Variants in CORO7 observed in about 807,000 individuals in gnomAD.
CORO7 encodes coronin-7.
A neutral mutation model predicts 126.6 loss-of-function variants in CORO7; 107 were observed. That is an observed-to-expected ratio of 0.85 (90% CI 0.72 to 0.99). CORO7 has a LOEUF of 0.99. Among genes scored for constraint, CORO7 ranks in the 50% least tolerant of loss-of-function variants. CORO7 has a pLI of 0.00. For synonymous variants in CORO7, 603 were observed against 536.8 expected, an observed-to-expected ratio of 1.12 and a Z score of -1.70; for missense variants, 1,314 against 1,255.8, an observed-to-expected ratio of 1.05 and a Z score of -0.70.
Position 4,355,376 on chromosome 16 carries a change from GGA to G in CORO7, c.2686-6_2686-5del. On this transcript the variant is annotated splice_region_variant and splice_polypyrimidine_tract_variant and intron_variant, in intron 26 of 27. Transcript: ENST00000251166. ...TTGCCACCATGGCATTCAGCAGCTG[GGA>G]GAGAGGGCAGAAGAAGGGTAGGTAA... is the stretch of plus-strand genomic sequence containing the variant. 1 of 1,608,216 alleles carries G rather than the reference GGA, an allele frequency of 6.2e-7. No individual in the cohort carries two copies. Among genetic ancestry groups the G allele is most frequent in the Non-Finnish European group, 8.5e-7 (1 of 1,179,212 alleles).
At chr16:4,407,193 C>T (rs2056031379) in intron 5 of CORO7, among the ~76,000 whole-genome samples, 1 of 151,384 alleles carries the variant, frequency 6.6e-6, no homozygotes. Context: ...GGTGATCCAC[C>T]TACCTCGGCC....
intron 9 of CORO7, among the ~76,000 whole-genome samples, chr16:4,384,062 T>A (rs1015961848): frequency 2.6e-5 from 4 of 152,204 alleles, no homozygotes; most frequent in Non-Finnish European, 5.9e-5. Flanking sequence ...CCCTGCCTCC[T>A]GCCCCTGGCT....
chr16:4,366,291 C>A (rs1430050883), intron 9 of CORO7, among the ~76,000 whole-genome samples: 1 of 152,120 alleles, frequency 6.6e-6, no homozygotes, highest in Non-Finnish European at 1.5e-5. Context: ...ATAGAGTGGG[C>A]GGGCCGGAAG....
intron 9 of CORO7, among the ~76,000 whole-genome samples, chr16:4,370,411 G>A (rs1445635160): frequency 6.6e-6 from 1 of 152,236 alleles, no homozygotes; most frequent in Non-Finnish European, 1.5e-5. Context: ...CCCCAGCTGA[G>A]AGTTCCTGTT....
chr16:4,364,203 G>A (rs986248530), intron 14 of CORO7, 73 bp downstream of exon 14: 37 of 1,408,396 alleles, frequency 2.6e-5, no homozygotes, highest in East Asian at 2.4e-4. Context: ...AAAAAAGGCC[G>A]TTCAGCCGGT....
At chr16:4,406,330 C>T (rs2055996737) in intron 5 of CORO7, among the ~76,000 whole-genome samples, 1 of 152,062 alleles carries the variant, frequency 6.6e-6, no homozygotes. Context: ...GCATCTCACT[C>T]TGTTGCCCAG....
intron 9 of CORO7, among the ~76,000 whole-genome samples, chr16:4,380,165 C>T (rs1050009068): frequency 1.3e-5 from 2 of 152,130 alleles, no homozygotes; most frequent in African/African-American, 4.8e-5. Context: ...GCCCTGTGGC[C>T]CCCCAGCTCC....
chr16:4,412,308 G>A (rs756727080), intron 3 of CORO7, 48 bp downstream of exon 3: 20 of 1,602,844 alleles, frequency 1.2e-5, no homozygotes, highest in South Asian at 1.2e-4. Context: ...GCCCTGGAGA[G>A]GGAGGTGCAA....
intron 2 of CORO7, chr16:4,412,730 C>T (rs1450716347): frequency 7.3e-6 from 3 of 409,730 alleles, no homozygotes; most frequent in Non-Finnish European, 1.3e-5. Flanking sequence ...CTACCGTCAG[C>T]CACTTTTCGC....
chr16:4,371,603 G>GTAAAAAAATAGC (rs1197298935), intron 9 of CORO7, among the ~76,000 whole-genome samples: 175 of 152,292 alleles, frequency 1.1e-3, no homozygotes, highest in African/African-American at 3.9e-3. Context: ...ATAGTCTCTC[G>GTAAAAAAATAGC]CTTTTTACAC....
rs185133287 is a variant in CORO7, at chr16:4,391,152, A to G, written c.616-2521T>C. The stretch of plus-strand genomic sequence containing the variant: ...CAAAAATGAGAGGTGGGCTGGGCGC[A>G]ATGGTACCTGCCGTAATCCCAACAC... On this transcript the variant is annotated intron_variant, in intron 7 of 27. Coordinates refer to ENST00000251166, the MANE Select transcript of CORO7 (RefSeq NM_024535.5). Among the ~76,000 whole-genome samples the G allele has an allele frequency of 2.0e-5, 3 of 152,284 alleles. No homozygotes were observed. In the East Asian group the frequency reaches 5.8e-4, roughly 29 times the overall value.
At chr16:4,412,556 A>T (rs2056251058) in intron 2 of CORO7, 126 bp from the exon 3 acceptor site, 3 of 939,950 alleles carry the variant, frequency 3.2e-6, no homozygotes, top group Non-Finnish European at 4.9e-6. Flanking sequence ...TACCAATCAC[A>T]AGATCATATC....
At chr16:4,382,707 G>T (rs1432491818) in intron 9 of CORO7, 1 of 1,550,436 alleles carries the variant, frequency 6.4e-7, no homozygotes, top group African/African-American at 1.4e-5. Context: ...CAGCGGCTCA[G>T]GACAAAGGGC....
intron 1 of CORO7, among the ~76,000 whole-genome samples, chr16:4,414,069 C>T (rs1259283029): frequency 2.6e-5 from 4 of 151,246 alleles, no homozygotes; most frequent in Non-Finnish European, 5.9e-5. Context: ...CACCTACATA[C>T]AATTCCAGCT....
rs58363506 is a variant in CORO7, at chr16:4,400,658, AAAAAAAC to A, written c.564+4826_564+4832del. Among the ~76,000 whole-genome samples, 437 of 147,664 alleles carry A rather than the reference AAAAAAAC, an allele frequency of 3.0e-3. 1 individual carries two copies. The highest frequency in any genetic ancestry group is 0.011 in the African/African-American group (420 of 38,408). ...CAAAAACAAAAACAAAAACAAAAAC[AAAAAAAC>A]AAAAAGTAGCCGGGTGTGGTGGCAC... On this transcript the variant is annotated intron_variant, in intron 6 of 27. Coordinates refer to ENST00000251166, the MANE Select transcript of CORO7 (RefSeq NM_024535.5).
Position 4,355,106 on chromosome 16 carries a change from T to G in CORO7, c.*52A>C. The G allele has an allele frequency of 6.8e-7, 1 of 1,460,184 alleles. No individual in the cohort carries two copies. Among genetic ancestry groups the G allele is most frequent in the Non-Finnish European group, 9.1e-7 (1 of 1,099,586 alleles). 90.5% of individuals were successfully genotyped at this position (1,460,184 alleles called of 1,614,324 possible). Reference sequence around the variant, plus strand: ...TCCAGCTTGAGGATGAGCCGTGAGGTGTGCACTAGGAAGTGGCAGCACAGG... The same window carrying G: ...TCCAGCTTGAGGATGAGCCGTGAGGGGTGCACTAGGAAGTGGCAGCACAGG... On this transcript the variant is annotated 3_prime_UTR_variant, in exon 28 of 28. Coordinates refer to ENST00000251166, the MANE Select transcript of CORO7 (RefSeq NM_024535.5).
At position 4,357,802 on chromosome 16, in the gene CORO7, G is replaced by A. The variant is rs146351653; in HGVS notation, c.2593+166C>T. ...GACCTGTGATGAAAACACAGACCAC[G>A]AGCCCTGCCCTCCACTGGCTCAGAG... On this transcript the variant is annotated intron_variant, in intron 25 of 27. Transcript: ENST00000251166. 121 of 1,267,916 alleles carry A rather than the reference G, an allele frequency of 9.5e-5. 1 individual carries two copies. The African/African-American group carries it at 1.2e-3, about 13-fold the overall frequency. The allele number at this position is 1,267,916 out of a possible 1,614,324, so 78.5% of individuals were successfully genotyped here.
intron 7 of CORO7, among the ~76,000 whole-genome samples, chr16:4,391,523 TC>T (rs2055389564): frequency 6.6e-6 from 1 of 151,098 alleles, no homozygotes; most frequent in Non-Finnish European, 1.5e-5. Flanking sequence ...GCCCCTGTGC[TC>T]CAGCCTGGGT....
At chr16:4,394,734 A>G (rs1198113919) in intron 7 of CORO7, among the ~76,000 whole-genome samples, 1 of 152,248 alleles carries the variant, frequency 6.6e-6, no homozygotes, top group African/African-American at 2.4e-5. Flanking sequence ...GCTCCTGCCT[A>G]CAAGGTCTCT....
Sources: gnomAD v4.1 joint callset for allele counts (sites outside exome capture counted in the v4.1 genomes callset) on GRCh38, gnomAD v4.1.1 for gene constraint, MANE v1.5 for transcripts, NCBI Gene and HGNC (gene_info 2026-07-23, HGNC 2026-07-21) for gene names.